HRH3: variants seen among roughly 807,000 people sequenced by gnomAD.
HRH3 encodes the protein histamine H3 receptor.
A neutral mutation model predicts 21.6 loss-of-function variants in HRH3; 13 were observed. The observed-to-expected ratio is 0.60, with a 90% confidence interval of 0.39 to 0.96. HRH3 has a LOEUF of 0.96. HRH3 is among the 40% of genes least tolerant of loss of function. HRH3 has a pLI of 0.00. For synonymous variants in HRH3, 276 were observed against 290.3 expected (o/e 0.95, Z 0.50); for missense variants, 461 against 622.7 (o/e 0.74, Z 2.76).
In HRH3 at chr20:62,216,254, C is replaced by T; in HGVS notation, c.1090G>A (p.Val364Met). 3.7e-6 allele frequency: 6 copies of T among 1,612,150 alleles called. No individual in the cohort carries two copies. The highest frequency in any genetic ancestry group is 5.1e-6 in the Non-Finnish European group (6 of 1,179,348). The stretch of plus-strand genomic sequence containing the variant: ...GCCCAGCAGAGCCCAAAGATGCTCA[C>T]GATGACGGCCAGCGACTTGGCCACT... ...RKVAKSLAVI[V>M]SIFGLCWAPY... The change falls in exon 3 of 3, where the codon GTG (valine) becomes ATG (methionine). Residue 364 changes from valine to methionine, a missense_variant. Physicochemically the swap from Val to Met is conservative, Grantham distance 21. Coordinates refer to ENST00000340177, the MANE Select transcript of HRH3 (RefSeq NM_007232.3).
chr20:62,215,078 G>A lies in HRH3; in HGVS notation c.*928C>T, dbSNP rs1179883202. On this transcript the variant is annotated 3_prime_UTR_variant, in exon 3 of 3. Transcript: ENST00000340177. ...ACGGGTGCACAGCACATGGCGAAGC[G>A]GCCCCTGCCCGGGCACCTCCTCTGG... The A allele has an allele frequency of 9.1e-6, 3 of 328,452 alleles. No individual in the cohort carries two copies. The highest frequency in any genetic ancestry group is 2.2e-5 in the African/African-American group (1 of 46,388). The allele number at this position is 328,452 out of a possible 1,614,324, so 20.3% of individuals were successfully genotyped here. A position where few individuals can be genotyped will look rare whatever the true frequency, so the allele number is the denominator to read the frequency against.
At position 62,219,517 on chromosome 20, in the gene HRH3, C is replaced by G. The variant is rs1190814883; in HGVS notation, c.250+204G>C. On this transcript the variant is annotated intron_variant, in intron 1 of 2. Transcript: ENST00000340177. This position sits in a 1 kb window ranked among gnomAD's most constrained non-coding sequence, Gnocchi z 8.7. ...CGTGTCCCTTCCCGGGGACATCTCT[C>G]CCCAGCCCCTGTCCCGAGGCCTGAG... Among the ~76,000 whole-genome samples the G allele has an allele frequency of 1.3e-5, 2 of 152,146 alleles. No individual in the cohort carries two copies. Among genetic ancestry groups the G allele is most frequent in the South Asian group, 2.1e-4 (1 of 4,830 alleles).
chr20:62,217,595 G>A (rs1424854940), intron 2 of HRH3, among the ~76,000 whole-genome samples: 1 of 152,164 alleles, frequency 6.6e-6, no homozygotes, highest in Non-Finnish European at 1.5e-5. Flanking sequence ...GGATCCCACT[G>A]AGGGGTCTCA....
At position 62,220,210 on chromosome 20, in the gene HRH3, G is replaced by T. The variant is rs1321371548; in HGVS notation, c.-240C>A. ...GCCGGCAGCGCGGCTGCTGCAGCGG[G>T]AGAGGAGCCGGAGCCTGAGCCGCTG... On this transcript the variant is annotated 5_prime_UTR_variant, in exon 1 of 3. Transcript: ENST00000340177. The T allele has an allele frequency of 6.1e-6, 1 of 164,192 alleles. No homozygotes were observed. The highest frequency in any genetic ancestry group is 1.2e-5 in the Non-Finnish European group (1 of 80,634). The allele number at this position is 164,192 out of a possible 1,614,324, so 10.2% of individuals were successfully genotyped here. A position where few individuals can be genotyped will look rare whatever the true frequency, so the allele number is the denominator to read the frequency against.
In HRH3 at chr20:62,218,690, AGCCAGGG is replaced by A. The variant is rs764705251; in HGVS notation, c.251-40_251-34del. 1.9e-6 allele frequency: 3 copies of A among 1,603,296 alleles called. No homozygotes were observed. The highest frequency in any genetic ancestry group is 2.2e-5 in the South Asian group (2 of 90,752). On this transcript the variant is annotated intron_variant, in intron 1 of 2. Coordinates refer to ENST00000340177, the MANE Select transcript of HRH3 (RefSeq NM_007232.3). This position sits in a 1 kb window ranked among gnomAD's most constrained non-coding sequence, Gnocchi z 5.6. ...GAGTAGGGCCACAGTGGGACCATGC[AGCCAGGG>A]GCCAGGGGACAGACGGACCTAAGCG...
rs1978713838 is a variant in HRH3, at chr20:62,219,320, C to T, written c.250+401G>A. On this transcript the variant is annotated intron_variant, in intron 1 of 2. Transcript: ENST00000340177. The surrounding 1 kb of genome is among the most constrained non-coding windows in gnomAD (Gnocchi z 8.7). The stretch of plus-strand genomic sequence containing the variant: ...ACCCCCACCTTCCCCACCGTCCCTT[C>T]CCCCAACACAGCTCTAAAAATCCCC... Among the ~76,000 whole-genome samples, 1 of 140,458 alleles carries T rather than the reference C, an allele frequency of 7.1e-6. No individual in the cohort carries two copies. The highest frequency in any genetic ancestry group is 7.1e-5 in the Admixed American group (1 of 14,182). 92.1% of individuals were successfully genotyped at this position (140,458 alleles called of 152,430 possible). A position where few individuals can be genotyped will look rare whatever the true frequency, so the allele number is the denominator to read the frequency against.
chr20:62,218,709 G>T lies in HRH3; in HGVS notation c.251-52C>A. 6.3e-7 allele frequency: 1 copy of T among 1,577,586 alleles called. No individual in the cohort carries two copies. On this transcript the variant is annotated intron_variant, in intron 1 of 2. Coordinates refer to ENST00000340177, the MANE Select transcript of HRH3 (RefSeq NM_007232.3). This position sits in a 1 kb window ranked among gnomAD's most constrained non-coding sequence, Gnocchi z 5.6. ...CCATGCAGCCAGGGGCCAGGGGACAGACGGACCTAAGCGCAGACACCGGCG... is the reference window on the plus strand; with the variant it reads ...CCATGCAGCCAGGGGCCAGGGGACATACGGACCTAAGCGCAGACACCGGCG...
chr20:62,216,973 G>A (rs1739583), intron 2 of HRH3, 47 bp from the exon 3 acceptor site: 313,182 of 1,509,060 alleles, frequency 0.21, 34,548 homozygotes, highest in African/African-American at 0.41. Context: ...GGAATATTGG[G>A]CTGGGTGCGC....
chr20:62,220,015 G>A lies in HRH3; in HGVS notation c.-45C>T. ...GCTCCGGGACGCGGGGCAGGGCGCC[G>A]GCCGAGAGCTGGGCGGCCGGGAGGG... On this transcript the variant is annotated 5_prime_UTR_variant, in exon 1 of 3. Coordinates refer to ENST00000340177, the MANE Select transcript of HRH3 (RefSeq NM_007232.3). 2 of 993,052 alleles carry A rather than the reference G, an allele frequency of 2.0e-6. No individual in the cohort carries two copies. The highest frequency in any genetic ancestry group is 4.6e-5 in the South Asian group (1 of 21,612). The allele number at this position is 993,052 out of a possible 1,614,324, so 61.5% of individuals were successfully genotyped here.
chr20:62,218,036 G>C lies in HRH3; in HGVS notation c.417+455C>G, dbSNP rs931256911. Among the ~76,000 whole-genome samples the C allele has an allele frequency of 2.0e-5, 3 of 152,158 alleles. No homozygotes were observed. The highest frequency in any genetic ancestry group is 6.5e-5 in the Admixed American group (1 of 15,284). ...TGCATGGCCCCGATGCGGGAGCCTG[G>C]GTGGGGCAGGGTCCCTGACTCAGGT... On this transcript the variant is annotated intron_variant, in intron 2 of 2. Transcript: ENST00000340177. This position sits in a 1 kb window ranked among gnomAD's most constrained non-coding sequence, Gnocchi z 5.6.
rs1978711060 is a variant in HRH3 at position 62,219,256 on chromosome 20, T to C, written c.250+465A>G. The stretch of plus-strand genomic sequence containing the variant: ...CCGCCCCCCAGCCGGCAGCAGAGCC[T>C]GGACACGTGAGAGCACGCTCCTCCG... On this transcript the variant is annotated intron_variant, in intron 1 of 2. Transcript: ENST00000340177. This position sits in a 1 kb window ranked among gnomAD's most constrained non-coding sequence, Gnocchi z 8.7. Among the ~76,000 whole-genome samples the C allele has an allele frequency of 8.5e-6, 1 of 118,264 alleles. No individual in the cohort carries two copies. Among genetic ancestry groups the C allele is most frequent in the Non-Finnish European group, 1.7e-5 (1 of 59,954 alleles). 77.6% of individuals were successfully genotyped at this position (118,264 alleles called of 152,430 possible). A position where few individuals can be genotyped will look rare whatever the true frequency, so the allele number is the denominator to read the frequency against.
chr20:62,220,183 G>T lies in HRH3; in HGVS notation c.-213C>A. 1 of 202,088 alleles carries T rather than the reference G, an allele frequency of 4.9e-6. No homozygotes were observed. Among genetic ancestry groups the T allele is most frequent in the Non-Finnish European group, 8.7e-6 (1 of 115,058 alleles). The allele number at this position is 202,088 out of a possible 1,614,324, so 12.5% of individuals were successfully genotyped here. ...GCCGGGGCCGGATCCGAGCCCAGTG[G>T]GGCCGGCAGCGCGGCTGCTGCAGCG... is the stretch of plus-strand genomic sequence containing the variant. On this transcript the variant is annotated 5_prime_UTR_variant, in exon 1 of 3. Transcript: ENST00000340177.
At position 62,216,607 on chromosome 20, in the gene HRH3, G is replaced by C. The variant is rs756263291; in HGVS notation, c.737C>G (p.Pro246Arg). The C allele has an allele frequency of 6.2e-7, 1 of 1,610,216 alleles. No homozygotes were observed. Among genetic ancestry groups the C allele is most frequent in the South Asian group, 1.1e-5 (1 of 90,888 alleles). ...AREAAGPEPP[P>R]EAQPSPPPPP... ...TGGGGGTGGTGAGGGCTGGGCCTCG[G>C]GAGGGGGCTCGGGGCCGGCTGCCTC... The change falls in exon 3 of 3, where the codon CCC becomes CGC. Residue 246 changes from proline (P) to arginine (R), a missense_variant. Around this residue, in one of 6 missense-constraint regions of HRH3, gnomAD observed 163 missense variants for 139.4 expected, o/e 1.17. Transcript: ENST00000340177.
rs1274576552 is a variant in HRH3, at chr20:62,218,212, G to C, written c.417+279C>G. Among the ~76,000 whole-genome samples, 5 of 152,238 alleles carry C rather than the reference G, an allele frequency of 3.3e-5. No homozygotes were observed. Among genetic ancestry groups the C allele is most frequent in the African/African-American group, 1.2e-4 (5 of 41,462 alleles). On this transcript the variant is annotated intron_variant, in intron 2 of 2. Coordinates refer to ENST00000340177, the MANE Select transcript of HRH3 (RefSeq NM_007232.3). The surrounding 1 kb of genome is among the most constrained non-coding windows in gnomAD (Gnocchi z 5.6). The stretch of plus-strand genomic sequence containing the variant: ...ATCCTCCCTTAACTCCGGGGACTGT[G>C]GACCTGCCCCAGGGCGGGGGCTGCA...
In HRH3 at chr20:62,218,733, C is replaced by T. The variant is rs769818909; in HGVS notation, c.251-76G>A. The T allele has an allele frequency of 6.9e-6, 10 of 1,444,030 alleles. No homozygotes were observed. The highest frequency in any genetic ancestry group is 4.9e-5 in the South Asian group (4 of 82,094). 89.5% of individuals were successfully genotyped at this position (1,444,030 alleles called of 1,614,324 possible). A position where few individuals can be genotyped will look rare whatever the true frequency, so the allele number is the denominator to read the frequency against. On this transcript the variant is annotated intron_variant, in intron 1 of 2. Coordinates refer to ENST00000340177, the MANE Select transcript of HRH3 (RefSeq NM_007232.3). This position sits in a 1 kb window ranked among gnomAD's most constrained non-coding sequence, Gnocchi z 5.6. ...AGACGGACCTAAGCGCAGACACCGGCGGGACCTGGGGTCACATGGTGGCTG... is the reference window on the plus strand; with the variant it reads ...AGACGGACCTAAGCGCAGACACCGGTGGGACCTGGGGTCACATGGTGGCTG...
In HRH3 at chr20:62,219,001, G is replaced by C. The variant is rs74627870; in HGVS notation, c.251-344C>G. 0.14 allele frequency among the ~76,000 whole-genome samples: 21,131 copies of C among 151,844 alleles called. 1,500 individuals carry two copies. Among genetic ancestry groups the C allele is most frequent in the African/African-American group, 0.15 (6,395 of 41,376 alleles). On this transcript the variant is annotated intron_variant, in intron 1 of 2. Transcript: ENST00000340177. The surrounding 1 kb of genome is among the most constrained non-coding windows in gnomAD (Gnocchi z 8.7). Reference sequence around the variant, plus strand: ...TCCCAGCCCTCAAAGGAGGAAAGAAGACAATTTCCTTCTCCCCTCCCCCGC... The same window carrying C: ...TCCCAGCCCTCAAAGGAGGAAAGAACACAATTTCCTTCTCCCCTCCCCCGC...
chr20:62,220,008 G>A lies in HRH3; in HGVS notation c.-38C>T. On this transcript the variant is annotated 5_prime_UTR_variant, in exon 1 of 3. Transcript: ENST00000340177. ...TCACGCGGCTCCGGGACGCGGGGCA[G>A]GGCGCCGGCCGAGAGCTGGGCGGCC... The A allele has an allele frequency of 3.0e-6, 3 of 994,848 alleles. No homozygotes were observed. 61.6% of individuals were successfully genotyped at this position (994,848 alleles called of 1,614,324 possible). A position where few individuals can be genotyped will look rare whatever the true frequency, so the allele number is the denominator to read the frequency against.
rs1407085026 is a variant in HRH3 at position 62,215,451 on chromosome 20, C to T, written c.*555G>A. 1 of 457,132 alleles carries T rather than the reference C, an allele frequency of 2.2e-6. No individual in the cohort carries two copies. Among genetic ancestry groups the T allele is most frequent in the Non-Finnish European group, 4.4e-6 (1 of 227,330 alleles). 28.3% of individuals were successfully genotyped at this position (457,132 alleles called of 1,614,324 possible). On this transcript the variant is annotated 3_prime_UTR_variant, in exon 3 of 3. Transcript: ENST00000340177. ...AAAAGCAGAGAACAGCTTCGAGGTT[C>T]CTAGGGCCCCTTGACACTTTTGGGG...
chr20:62,219,572 C>T lies in HRH3; in HGVS notation c.250+149G>A. On this transcript the variant is annotated intron_variant, in intron 1 of 2. Coordinates refer to ENST00000340177, the MANE Select transcript of HRH3 (RefSeq NM_007232.3). The surrounding 1 kb of genome is among the most constrained non-coding windows in gnomAD (Gnocchi z 8.7). The stretch of plus-strand genomic sequence containing the variant: ...AAGGAACTTCGCCTGTGCCCCCCAC[C>T]CCATGGGCTCCGGACGCCCCCTTCC... 2.0e-6 allele frequency: 2 copies of T among 987,186 alleles called. No individual in the cohort carries two copies. Among genetic ancestry groups the T allele is most frequent in the Non-Finnish European group, 2.8e-6 (2 of 706,478 alleles). The allele number at this position is 987,186 out of a possible 1,614,324, so 61.2% of individuals were successfully genotyped here. A position where few individuals can be genotyped will look rare whatever the true frequency, so the allele number is the denominator to read the frequency against.
Sources: gnomAD v4.1 joint callset for allele counts (sites outside exome capture counted in the v4.1 genomes callset) on GRCh38, gnomAD v4.1.1 for gene constraint, gnomAD v4.1.1 regional missense constraint, Gnocchi (gnomAD v3.1) non-coding constraint, MANE v1.5 for transcripts, NCBI Gene and HGNC (gene_info 2026-07-23, HGNC 2026-07-21) for gene names.